The following NCK1 variants were observed in gnomAD, a reference collection of about 807,000 sequenced individuals.
The protein encoded by NCK1 is SH2/SH3 adapter protein NCK1.
In NCK1, 19 loss-of-function variants were observed where a neutral mutation model predicts 36.6. That is an observed-to-expected ratio of 0.52 (90% CI 0.36 to 0.76). The LOEUF is 0.76. NCK1 is among the 30% of genes least tolerant of loss of function. The pLI is 0.00. For synonymous variants in NCK1, 165 were observed against 156.0 expected (o/e 1.06, Z -0.43); for missense variants, 358 against 445.6 (o/e 0.80, Z 1.77).
At chr3:136,869,457 A>T (rs1444459624) in intron 1 of NCK1, among the ~76,000 whole-genome samples, 1 of 152,008 alleles carries the variant, frequency 6.6e-6, no homozygotes, top group East Asian at 1.9e-4. Context: ...AGACAGGAGA[A>T]TCACTTAAAC....
intron 1 of NCK1, among the ~76,000 whole-genome samples, chr3:136,870,333 C>T (rs1011253002): frequency 1.6e-4 from 17 of 104,712 alleles, no homozygotes; most frequent in Admixed American, 5.7e-4. Flanking sequence ...CAAGGAGAGA[C>T]TTAATCTCAA....
chr3:136,895,856 T>G (rs761367212), intron 1 of NCK1, among the ~76,000 whole-genome samples: 2 of 152,186 alleles, frequency 1.3e-5, no homozygotes, highest in Non-Finnish European at 2.9e-5. Context: ...TGAGCCACCA[T>G]GCCCAGTCTG....
intron 1 of NCK1, among the ~76,000 whole-genome samples, chr3:136,869,927 A>G (rs1938558340): frequency 6.6e-6 from 1 of 152,108 alleles, no homozygotes; most frequent in Non-Finnish European, 1.5e-5. Flanking sequence ...TTGGACATGA[A>G]TATGGTATGG....
intron 1 of NCK1, among the ~76,000 whole-genome samples, chr3:136,925,821 A>C (rs1320235589): frequency 6.6e-6 from 1 of 152,246 alleles, no homozygotes; most frequent in African/African-American, 2.4e-5. Context: ...ATGTGAACAT[A>C]AATTTTCATT....
Position 136,931,276 on chromosome 3 carries a change from A to G in NCK1, c.226+3049A>G, listed in dbSNP as rs191866568. Among the ~76,000 whole-genome samples the G allele has an allele frequency of 2.0e-5, 3 of 152,282 alleles. No homozygotes were observed. The East Asian group carries it at 5.8e-4, about 29-fold the overall frequency. On this transcript the variant is annotated intron_variant, in intron 2 of 3. Coordinates refer to ENST00000481752, the MANE Select transcript of NCK1 (RefSeq NM_001291999.2). ...TGATTCTGCTAGTGGCCTCCTTATGATCTTATAGTGAACTTAATTTGATCT... is the reference window on the plus strand; with the variant it reads ...TGATTCTGCTAGTGGCCTCCTTATGGTCTTATAGTGAACTTAATTTGATCT...
Position 136,951,195 on chromosome 3 carries a change from C to G in NCK1, c.*2742C>G. ...ATTATCTCCAGCTGTAATGTCCTAC[C>G]ATATAATCCAGAGGTTGCATAGAAG... is the stretch of plus-strand genomic sequence containing the variant. On this transcript the variant is annotated 3_prime_UTR_variant, in exon 4 of 4. Transcript: ENST00000481752. Among the ~76,000 whole-genome samples, 1 of 152,126 alleles carries G rather than the reference C, an allele frequency of 6.6e-6. No individual in the cohort carries two copies. Among genetic ancestry groups the G allele is most frequent in the African/African-American group, 2.4e-5 (1 of 41,428 alleles).
At chr3:136,886,387 A>G (rs1027277201) in intron 1 of NCK1, among the ~76,000 whole-genome samples, 7 of 152,126 alleles carry the variant, frequency 4.6e-5, no homozygotes, top group African/African-American at 9.7e-5. Context: ...ATGGGGTACT[A>G]TTTACATATA....
intron 1 of NCK1, among the ~76,000 whole-genome samples, chr3:136,908,245 C>CT (rs1939738977): frequency 6.6e-6 from 1 of 152,148 alleles, no homozygotes; most frequent in Non-Finnish European, 1.5e-5. Flanking sequence ...ATTAACATTC[C>CT]TTCACCAGTA....
intron 1 of NCK1, among the ~76,000 whole-genome samples, chr3:136,916,330 T>A (rs1939962763): frequency 6.6e-6 from 1 of 152,174 alleles, no homozygotes; most frequent in South Asian, 2.1e-4. Context: ...AATGTTATGA[T>A]TAGTCATAAG....
chr3:136,909,523 A>C (rs1939780583), intron 1 of NCK1, among the ~76,000 whole-genome samples: 1 of 152,220 alleles, frequency 6.6e-6, no homozygotes, highest in South Asian at 2.1e-4. Context: ...CAGAATGTCG[A>C]GTGCTGTAAT....
At chr3:136,929,786 A>C (rs985729148) in intron 2 of NCK1, among the ~76,000 whole-genome samples, 1 of 152,332 alleles carries the variant, frequency 6.6e-6, no homozygotes, top group Admixed American at 6.5e-5. Context: ...TTAACAAAAT[A>C]TAGTGAAAAA....
chr3:136,915,970 C>T (rs1939954238), intron 1 of NCK1, among the ~76,000 whole-genome samples: 1 of 152,126 alleles, frequency 6.6e-6, no homozygotes, highest in African/African-American at 2.4e-5. Flanking sequence ...GGGTGATCTG[C>T]CCACCTCGGC....
chr3:136,917,152 T>G (rs925633239), intron 1 of NCK1, among the ~76,000 whole-genome samples: 1 of 151,992 alleles, frequency 6.6e-6, no homozygotes, highest in Non-Finnish European at 1.5e-5. Context: ...AGCTTGTCCA[T>G]CCTATGGGCT....
At chr3:136,897,331 A>G (rs1939416726) in intron 1 of NCK1, among the ~76,000 whole-genome samples, 2 of 151,816 alleles carry the variant, frequency 1.3e-5, no homozygotes, top group African/African-American at 4.8e-5. Flanking sequence ...ACCTCAAGTG[A>G]TCTGCCTGCC....
chr3:136,910,347 C>A (rs117046628), intron 1 of NCK1, among the ~76,000 whole-genome samples: 8 of 152,106 alleles, frequency 5.3e-5, no homozygotes, highest in Non-Finnish European at 7.4e-5. Context: ...ATCCCTACCC[C>A]CTTTTGGTTA....
intron 1 of NCK1, among the ~76,000 whole-genome samples, chr3:136,891,357 A>ACTCCTG (rs1238962938): frequency 2.0e-5 from 3 of 150,454 alleles, no homozygotes; most frequent in Non-Finnish European, 4.4e-5. Context: ...CTGGTCTTGA[A>ACTCCTG]CTCCTGACCT....
chr3:136,914,753 G>A (rs553620787), intron 1 of NCK1, among the ~76,000 whole-genome samples: 2 of 152,284 alleles, frequency 1.3e-5, no homozygotes, highest in African/African-American at 4.8e-5. Flanking sequence ...TTGGGAGATC[G>A]CTTGCTATGG....
At chr3:136,935,128 T>C (rs1191840315) in intron 2 of NCK1, among the ~76,000 whole-genome samples, 6 of 152,188 alleles carry the variant, frequency 3.9e-5, no homozygotes, top group African/African-American at 1.4e-4. Flanking sequence ...CTTGAACTCC[T>C]GGCCTCAGGT....
At chr3:136,900,011 A>C in intron 1 of NCK1, 1 of 657,226 alleles carries the variant, frequency 1.5e-6, no homozygotes, top group Non-Finnish European at 2.8e-6. Context: ...CAAAATCATC[A>C]TCACTGTCAG....
Sources: gnomAD v4.1 joint callset for allele counts (sites outside exome capture counted in the v4.1 genomes callset) on GRCh38, gnomAD v4.1.1 for gene constraint, MANE v1.5 for transcripts, NCBI Gene and HGNC (gene_info 2026-07-23, HGNC 2026-07-21) for gene names.